The following OR51B5 variants were observed in gnomAD, a reference collection of about 807,000 sequenced individuals.
OR51B5 encodes the protein olfactory receptor family 51 subfamily B member 5.
For missense variants in OR51B5, 456 were observed against 374.6 expected, an observed-to-expected ratio of 1.22 and a Z score of -1.79; for synonymous variants, 186 against 144.8, an observed-to-expected ratio of 1.28 and a Z score of -2.04.
intron 1 of OR51B5, among the ~76,000 whole-genome samples, chr11:5,423,484 C>T (rs1850390998): frequency 6.6e-6 from 1 of 152,068 alleles, no homozygotes; most frequent in African/African-American, 2.4e-5. Flanking sequence ...ACTTAAACTC[C>T]CAGAAGTTTA....
intron 1 of OR51B5, among the ~76,000 whole-genome samples, chr11:5,467,663 T>C (rs1851157051): frequency 6.6e-6 from 1 of 152,238 alleles, no homozygotes; most frequent in Non-Finnish European, 1.5e-5. Context: ...TCTCTGTGAA[T>C]TTGCTGACAG....
chr11:5,414,507 G>A (rs1850204487), intron 1 of OR51B5, among the ~76,000 whole-genome samples: 1 of 151,516 alleles, frequency 6.6e-6, no homozygotes, highest in South Asian at 2.1e-4. Context: ...AAAGAGTCAA[G>A]ACCCATCAGT....
chr11:5,483,465 A>C, intron 1 of OR51B5, among the ~76,000 whole-genome samples: 1 of 148,060 alleles, frequency 6.8e-6, no homozygotes, highest in East Asian at 2.1e-4. Context: ...TGTGTAACTA[A>C]CCTGCACAAC....
chr11:5,462,905 A>G (rs1325898687), intron 1 of OR51B5, among the ~76,000 whole-genome samples: 4 of 152,214 alleles, frequency 2.6e-5, no homozygotes, highest in Non-Finnish European at 5.9e-5. Context: ...GTCATCAGTT[A>G]CTTTGTGAAT....
intron 1 of OR51B5, among the ~76,000 whole-genome samples, chr11:5,420,868 A>G (rs1380701738): frequency 6.6e-6 from 1 of 151,974 alleles, no homozygotes; most frequent in Non-Finnish European, 1.5e-5. Context: ...ATATATAAAC[A>G]TTTCTTTTTT....
intron 1 of OR51B5, among the ~76,000 whole-genome samples, chr11:5,374,338 C>T (rs1469515433): frequency 2.0e-5 from 3 of 152,034 alleles, no homozygotes; most frequent in Non-Finnish European, 2.9e-5. Context: ...CGGTACATCA[C>T]TATCATCAAA....
intron 1 of OR51B5, among the ~76,000 whole-genome samples, chr11:5,386,052 G>T (rs11037144): frequency 0.18 from 27,471 of 151,854 alleles, 2,640 homozygotes; most frequent in African/African-American, 0.26. Context: ...AGAGAAAGAT[G>T]TACCTAATGC....
intron 1 of OR51B5, among the ~76,000 whole-genome samples, chr11:5,439,400 C>T (rs1422562101): frequency 6.6e-6 from 1 of 152,156 alleles, no homozygotes; most frequent in Non-Finnish European, 1.5e-5. Context: ...CACTGAGTTT[C>T]CCACTTTAAA....
rs1590031239 is a variant in OR51B5, at chr11:5,498,181, G to A, written n.84+7388C>T. ...TAGCTTCCCCTGTTCTCAGTTCCTT[G>A]CCAAATGCCATGGTGCTGGAGGAGG... On this transcript the variant is annotated intron_variant and non_coding_transcript_variant, in intron 1 of 4. Transcript: ENST00000415970. 2.6e-5 allele frequency among the ~76,000 whole-genome samples: 4 copies of A among 152,272 alleles called. No individual in the cohort carries two copies. The South Asian group carries it at 8.3e-4, about 32-fold the overall frequency.
At chr11:5,497,553 T>C (rs1187606780) in intron 1 of OR51B5, among the ~76,000 whole-genome samples, 2 of 152,134 alleles carry the variant, frequency 1.3e-5, no homozygotes, top group Non-Finnish European at 2.9e-5. Flanking sequence ...ACTACCAGGA[T>C]CTCCTCAGGT....
At chr11:5,346,590 T>A (rs972049928), upstream of OR51B5, among the ~76,000 whole-genome samples, 109 of 152,140 alleles carry the variant, frequency 7.2e-4, no homozygotes, top group African/African-American at 2.4e-3. Flanking sequence ...AGAAGACATA[T>A]GAGAGGGTCA....
intron 1 of OR51B5, among the ~76,000 whole-genome samples, chr11:5,361,541 C>T (rs12802792): frequency 1.3e-5 from 2 of 151,728 alleles, no homozygotes; most frequent in African/African-American, 4.8e-5. Context: ...CTAGAGGCTC[C>T]GCATAGGAAT....
chr11:5,402,349 A>G (rs935917273), intron 1 of OR51B5, among the ~76,000 whole-genome samples: 4 of 152,202 alleles, frequency 2.6e-5, no homozygotes, highest in Admixed American at 6.5e-5. Context: ...ATAATGTAAT[A>G]TAATTTTCTA....
chr11:5,379,535 C>T (rs1849579053), intron 1 of OR51B5, among the ~76,000 whole-genome samples: 1 of 150,794 alleles, frequency 6.6e-6, no homozygotes. Flanking sequence ...CCGTTGTTTC[C>T]TCTAATAATT....
intron 1 of OR51B5, chr11:5,422,377 G>C (rs1175430811): frequency 2.5e-6 from 4 of 1,614,142 alleles, no homozygotes; most frequent in Middle Eastern, 1.6e-4. Context: ...CTGTCCACCA[G>C]CGCATGTATC....
At chr11:5,469,953 C>A (rs7106927) in intron 1 of OR51B5, among the ~76,000 whole-genome samples, 84,557 of 151,918 alleles carry the variant, frequency 0.56, 24,504 homozygotes, top group South Asian at 0.67. Flanking sequence ...CTGCCTTTTC[C>A]TTGTGGCTTG....
chr11:5,394,616 T>C (rs1849840961), intron 1 of OR51B5, among the ~76,000 whole-genome samples: 1 of 152,234 alleles, frequency 6.6e-6, no homozygotes, highest in Non-Finnish European at 1.5e-5. Context: ...TCACAGAATT[T>C]TATGTTTTGC....
At chr11:5,374,441 G>C (rs893003246) in intron 1 of OR51B5, among the ~76,000 whole-genome samples, 3 of 152,174 alleles carry the variant, frequency 2.0e-5, no homozygotes, top group African/African-American at 7.2e-5. Context: ...TCCTCCAAAG[G>C]AAAGCAGTTC....
chr11:5,400,273 T>A (rs1849946559), intron 1 of OR51B5, among the ~76,000 whole-genome samples: 1 of 151,978 alleles, frequency 6.6e-6, no homozygotes, highest in Non-Finnish European at 1.5e-5. Flanking sequence ...GTATTTAGTC[T>A]ATTTAGTCAG....
Sources: gnomAD v4.1 joint callset for allele counts (sites outside exome capture counted in the v4.1 genomes callset) on GRCh38, gnomAD v4.1.1 for gene constraint, MANE v1.5 for transcripts, NCBI Gene and HGNC (gene_info 2026-07-23, HGNC 2026-07-21) for gene names.